Variants in PTPRM observed in about 807,000 individuals in gnomAD.
PTPRM encodes the protein protein tyrosine phosphatase receptor type M.
Under a neutral mutation model 186.7 loss-of-function variants are expected in PTPRM, and 47 were observed. The observed-to-expected ratio is 0.25, with a 90% CI of 0.20 to 0.32. The LOEUF (loss-of-function observed/expected upper bound fraction) is 0.32, where lower values mean the gene tolerates loss of function less well. Among genes scored for constraint, PTPRM ranks in the 10% least tolerant of loss-of-function variants. The pLI, the probability that PTPRM is intolerant of heterozygous loss-of-function variation, is 1.00. For synonymous variants in PTPRM, 668 were observed against 674.9 expected, an observed-to-expected ratio of 0.99 and a Z score of 0.16; for missense variants, 1,494 against 1,865.0, an observed-to-expected ratio of 0.80 and a Z score of 3.66.
chr18:8,150,439 G>A (rs904371045), intron 14 of PTPRM, among the ~76,000 whole-genome samples: 3 of 151,460 alleles, frequency 2.0e-5, no homozygotes, highest in Non-Finnish European at 4.4e-5. Context: ...GATTGATTCG[G>A]CTATTGATAC....
intron 7 of PTPRM, among the ~76,000 whole-genome samples, chr18:8,017,043 C>T (rs1357590373): frequency 6.6e-6 from 1 of 152,084 alleles, no homozygotes; most frequent in Admixed American, 6.5e-5. Flanking sequence ...TTTCTACATT[C>T]ATCTATAAAT....
intron 19 of PTPRM, among the ~76,000 whole-genome samples, chr18:8,278,365 A>C (rs1050802313): frequency 3.3e-5 from 5 of 152,238 alleles, no homozygotes; most frequent in African/African-American, 1.2e-4. Flanking sequence ...GGTAGAGCTG[A>C]AATGTACATA....
intron 1 of PTPRM, among the ~76,000 whole-genome samples, chr18:7,691,023 T>C (rs1215765895): frequency 6.6e-6 from 1 of 152,214 alleles, no homozygotes; most frequent in African/African-American, 2.4e-5. Context: ...TATTTACCTT[T>C]TTTTCACTAT....
intron 2 of PTPRM, among the ~76,000 whole-genome samples, chr18:7,847,414 G>A (rs145317896): frequency 9.3e-4 from 141 of 152,068 alleles, no homozygotes; most frequent in Middle Eastern, 6.8e-3. Flanking sequence ...CAATCCACCC[G>A]CCTCAGCCTC....
At chr18:8,066,210 G>T (rs189445451) in intron 7 of PTPRM, among the ~76,000 whole-genome samples, 4 of 152,314 alleles carry the variant, frequency 2.6e-5, no homozygotes, top group Middle Eastern at 3.4e-3. Context: ...TAAAAGAATT[G>T]TATGAGAATT....
chr18:8,161,840 A>G (rs634398), intron 14 of PTPRM, among the ~76,000 whole-genome samples: 151,833 of 152,220 alleles, frequency 1, 75,724 homozygotes, highest in Middle Eastern at 1. Context: ...CTTCGTGATA[A>G]CTGGTTCTTG....
intron 23 of PTPRM, among the ~76,000 whole-genome samples, chr18:8,357,585 T>C (rs1218352587): frequency 6.6e-6 from 1 of 152,174 alleles, no homozygotes; most frequent in East Asian, 1.9e-4. Context: ...GATCGTTTAA[T>C]GAAGATATCT....
chr18:7,906,211 T>A (rs1436441843), intron 3 of PTPRM, among the ~76,000 whole-genome samples: 1 of 152,182 alleles, frequency 6.6e-6, no homozygotes, highest in Admixed American at 6.5e-5. Context: ...TCCTTGCTTT[T>A]CCTACAGTGT....
At chr18:8,289,541 T>TATATAC (rs1555845670) in intron 19 of PTPRM, among the ~76,000 whole-genome samples, 16 of 81,202 alleles carry the variant, frequency 2.0e-4, no homozygotes, top group South Asian at 9.9e-4. Context: ...TATACACATA[T>TATATAC]ATATATATAC....
At chr18:8,400,963 A>C (rs2095869423) in intron 32 of PTPRM, among the ~76,000 whole-genome samples, 2 of 152,054 alleles carry the variant, frequency 1.3e-5, no homozygotes, top group Non-Finnish European at 2.9e-5. Context: ...CACTCCAGGC[A>C]CCTTGAATCC....
chr18:7,664,023 T>C (rs2039037925), intron 1 of PTPRM, among the ~76,000 whole-genome samples: 1 of 152,184 alleles, frequency 6.6e-6, no homozygotes. Flanking sequence ...GATTTCAGCC[T>C]CCGTGCTGGA....
intron 1 of PTPRM, among the ~76,000 whole-genome samples, chr18:7,731,546 T>C (rs1409393972): frequency 6.6e-6 from 1 of 152,190 alleles, no homozygotes; most frequent in Non-Finnish European, 1.5e-5. Context: ...TAAGGGTACA[T>C]GACTGTCATA....
intron 2 of PTPRM, among the ~76,000 whole-genome samples, chr18:7,863,414 C>T (rs1278460991): frequency 2.0e-5 from 3 of 151,908 alleles, no homozygotes; most frequent in African/African-American, 4.8e-5. Context: ...GTGTTCTCAT[C>T]GTTCGACTCC....
At chr18:8,254,475 G>A (rs956689231) in intron 19 of PTPRM, among the ~76,000 whole-genome samples, 2 of 152,188 alleles carry the variant, frequency 1.3e-5, no homozygotes, top group African/African-American at 2.4e-5. Flanking sequence ...TGAAGTTAAA[G>A]TAGCATGCTT....
intron 4 of PTPRM, among the ~76,000 whole-genome samples, chr18:7,915,725 G>GATT (rs2146666005): frequency 6.6e-6 from 1 of 152,264 alleles, no homozygotes; most frequent in Admixed American, 6.5e-5. Flanking sequence ...TATATTCGGA[G>GATT]ATAATAAAGG....
intron 23 of PTPRM, among the ~76,000 whole-genome samples, chr18:8,370,150 C>G (rs2095655180): frequency 6.7e-6 from 1 of 149,540 alleles, no homozygotes; most frequent in Non-Finnish European, 1.5e-5. Context: ...GCCTCTGGTC[C>G]TGCTCTCCTC....
chr18:7,582,368 G>A (rs566578435), intron 1 of PTPRM, among the ~76,000 whole-genome samples: 3 of 152,146 alleles, frequency 2.0e-5, no homozygotes, highest in African/African-American at 7.2e-5. Flanking sequence ...TTGGACTCTC[G>A]TACATGTGAT....
At chr18:8,155,723 C>A (rs1400453592) in intron 14 of PTPRM, among the ~76,000 whole-genome samples, 2 of 152,150 alleles carry the variant, frequency 1.3e-5, no homozygotes, top group African/African-American at 2.4e-5. Flanking sequence ...AAAGAGATGC[C>A]TGCAGCATGC....
chr18:8,211,532 T>TA (rs1568531034), intron 14 of PTPRM, among the ~76,000 whole-genome samples: 1 of 147,388 alleles, frequency 6.8e-6, no homozygotes, highest in Non-Finnish European at 1.5e-5. Context: ...GCCTCCCGAG[T>TA]AGCTGGGATT....
Sources: gnomAD v4.1 joint callset for allele counts (sites outside exome capture counted in the v4.1 genomes callset) on GRCh38, gnomAD v4.1.1 for gene constraint, MANE v1.5 for transcripts, NCBI Gene and HGNC (gene_info 2026-07-23, HGNC 2026-07-21) for gene names.